MAP3K15: variants seen among roughly 807,000 people sequenced by gnomAD.
The protein encoded by MAP3K15 is mitogen-activated protein kinase kinase kinase 15, also known as MAPK/ERK kinase kinase 15.
MAP3K15 carries 124 observed loss-of-function variants against 99.5 expected under a neutral mutation model. That is an observed-to-expected ratio of 1.25 (90% CI 1.08 to 1.45). The LOEUF (loss-of-function observed/expected upper bound fraction) is 1.45, where lower values mean the gene tolerates loss of function less well. Among genes scored for constraint, MAP3K15 ranks in the 40% most tolerant of loss-of-function variants. The pLI, the probability that MAP3K15 is intolerant of heterozygous loss-of-function variation, is 0.00. For synonymous variants in MAP3K15, 494 were observed against 439.6 expected (o/e 1.12, Z -1.55); for missense variants, 1,242 against 1,079.7 (o/e 1.15, Z -2.11).
At chrX:19,499,757 C>A (rs979360670) in intron 1 of MAP3K15, among the ~76,000 whole-genome samples, 7 of 111,588 alleles carry the variant, frequency 6.3e-5, no homozygotes, top group Non-Finnish European at 1.1e-4. Flanking sequence ...ACAGAGATGA[C>A]AGCAGATCAG....
chrX:19,371,901 G>A (rs1285233547), intron 22 of MAP3K15, among the ~76,000 whole-genome samples: 7 of 111,400 alleles, frequency 6.3e-5, no homozygotes, highest in Admixed American at 9.6e-5. Context: ...GGGAAGCCTA[G>A]GCAGGCAGAT....
At chrX:19,489,019 A>G in intron 1 of MAP3K15, 52 bp from the exon 2 acceptor site, 1 of 1,118,536 alleles carries the variant, frequency 8.9e-7, no homozygotes, top group Non-Finnish European at 1.2e-6. Flanking sequence ...TGTCTACTTC[A>G]TCTACTCACT....
chrX:19,374,715 G>C, intron 19 of MAP3K15, 55 bp from the exon 20 acceptor site: 2 of 1,083,575 alleles, frequency 1.8e-6, no homozygotes, highest in Non-Finnish European at 2.5e-6. Context: ...GTGAATTCAG[G>C]TATCCATGTC....
chrX:19,482,213 T>C (rs1249042102), intron 3 of MAP3K15: 1 of 101,513 alleles, frequency 9.9e-6, no homozygotes, highest in East Asian at 3.0e-4. Flanking sequence ...ATTTACCATA[T>C]GACTTGGCAA....
At chrX:19,455,169 T>C (rs1271034084) in intron 6 of MAP3K15, among the ~76,000 whole-genome samples, 1 of 110,443 alleles carries the variant, frequency 9.1e-6, no homozygotes, top group East Asian at 2.8e-4. Flanking sequence ...AGAGCCACTG[T>C]CTAACAGGAG....
intron 3 of MAP3K15, among the ~76,000 whole-genome samples, chrX:19,484,728 G>GA (rs2064311753): frequency 8.9e-6 from 1 of 112,188 alleles, no homozygotes; most frequent in Non-Finnish European, 1.9e-5. Context: ...CTGTTTTAAG[G>GA]AATCAGCATT....
chrX:19,469,276 C>A (rs1403715908), intron 3 of MAP3K15, among the ~76,000 whole-genome samples: 1 of 111,547 alleles, frequency 9.0e-6, no homozygotes, highest in Non-Finnish European at 1.9e-5. Flanking sequence ...CTTTGACAAA[C>A]CTGACAAAAA....
chrX:19,506,559 C>G (rs1490310833), intron 1 of MAP3K15, among the ~76,000 whole-genome samples: 1 of 111,363 alleles, frequency 9.0e-6, no homozygotes, highest in African/African-American at 3.3e-5. Flanking sequence ...CTTGCTCTGC[C>G]GCCCAGGCTG....
Position 19,515,138 on chromosome X carries a change from C to T in MAP3K15, c.124G>A (p.Glu42Lys). 3 of 795,203 alleles carry T rather than the reference C, an allele frequency of 3.8e-6. No individual in the cohort carries two copies. The highest frequency in any genetic ancestry group is 4.6e-6 in the Non-Finnish European group (3 of 655,599). 65.5% of individuals were successfully genotyped at this position (795,203 alleles called of 1,213,427 possible). A position where few individuals can be genotyped will look rare whatever the true frequency, so the allele number is the denominator to read the frequency against. ...AGPAEPDGAA[E>K]GAAGGSGEGE... is the part of the protein sequence containing the mutation. Reference sequence around the variant, plus strand: ...TCGCCGCTGCCGCCTGCCGCGCCCTCCGCCGCCCCGTCGGGCTCCGCCGGC... The same window carrying T: ...TCGCCGCTGCCGCCTGCCGCGCCCTTCGCCGCCCCGTCGGGCTCCGCCGGC... Residue 42 changes from glutamate to lysine, a missense_variant, in exon 1 of 29, where the codon GAG (glutamate) becomes AAG (lysine). Physicochemically the swap from Glu to Lys is moderately conservative, Grantham distance 56 (BLOSUM62 1). Transcript: ENST00000338883.
At chrX:19,439,305 C>T (rs1168342785) in intron 6 of MAP3K15, among the ~76,000 whole-genome samples, 1 of 111,890 alleles carries the variant, frequency 8.9e-6, no homozygotes, top group African/African-American at 3.2e-5. Context: ...GCCAATTAAA[C>T]CTGTTTTCTT....
Position 19,515,188 on chromosome X carries a change from G to A in MAP3K15, c.74C>T (p.Pro25Leu), listed in dbSNP as rs1234945987. 2.3e-6 allele frequency: 2 copies of A among 852,464 alleles called. No individual in the cohort carries two copies. The highest frequency in any genetic ancestry group is 2.8e-6 in the Non-Finnish European group (2 of 702,053). The allele number at this position is 852,464 out of a possible 1,213,427, so 70.3% of individuals were successfully genotyped here. Residue 25 changes from proline to leucine, a missense_variant, in exon 1 of 29, where the codon CCG (proline) becomes CTG (leucine). Coordinates refer to ENST00000338883, the MANE Select transcript of MAP3K15 (RefSeq NM_001001671.4). ...AASESPQCPP[P>L]PGVEGAAGPA... ...CCCGGCCGCGCCCTCCACCCCCGGC[G>A]GCGGCGGGCACTGAGGGGACTCGCT...
intron 9 of MAP3K15, among the ~76,000 whole-genome samples, chrX:19,418,620 C>T (rs2063756584): frequency 2.7e-5 from 3 of 111,407 alleles, no homozygotes; most frequent in Non-Finnish European, 5.7e-5. Flanking sequence ...CTCTGCAGGA[C>T]AGTATCTAGG....
intron 1 of MAP3K15, among the ~76,000 whole-genome samples, chrX:19,499,973 G>A (rs377114037): frequency 1.4e-4 from 16 of 112,895 alleles, no homozygotes; most frequent in East Asian, 5.5e-4. Flanking sequence ...TTGGCCGGGT[G>A]CAGTGGCCCA....
At chrX:19,476,534 A>G (rs1189558770) in intron 3 of MAP3K15, among the ~76,000 whole-genome samples, 1 of 112,338 alleles carries the variant, frequency 8.9e-6, no homozygotes, top group East Asian at 2.8e-4. Context: ...CTCAACAGAT[A>G]TAATTATTTG....
chrX:19,367,723 ATTTTTTTTTTTTTTTTTTTT>A (rs748998915), intron 25 of MAP3K15, among the ~76,000 whole-genome samples: 8 of 24,137 alleles, frequency 3.3e-4, no homozygotes, highest in South Asian at 3.9e-3. Context: ...ATAACTATGG[ATTTTTTTTTTTTTTTTTTTT>A]TTTTTTTTTT....
intron 1 of MAP3K15, among the ~76,000 whole-genome samples, chrX:19,510,346 C>G (rs1012846748): frequency 8.9e-6 from 1 of 112,190 alleles, no homozygotes; most frequent in Middle Eastern, 4.6e-3. Flanking sequence ...AGCTTATCCA[C>G]CATGATCAAG....
At chrX:19,385,626 G>A (rs189823031) in intron 18 of MAP3K15, among the ~76,000 whole-genome samples, 4,187 of 111,088 alleles carry the variant, frequency 0.038, 198 homozygotes, top group African/African-American at 0.13. Flanking sequence ...TGACTCAAAC[G>A]ACTCTGGAAG....
intron 6 of MAP3K15, among the ~76,000 whole-genome samples, chrX:19,445,049 T>C (rs931476746): frequency 1.8e-5 from 2 of 111,251 alleles, no homozygotes; most frequent in East Asian, 2.8e-4. Context: ...GAGAATGTTC[T>C]ATAAAGCCTC....
chrX:19,441,449 A>C (rs1243580135), intron 6 of MAP3K15, among the ~76,000 whole-genome samples: 3 of 110,561 alleles, frequency 2.7e-5, no homozygotes, highest in African/African-American at 9.9e-5. Context: ...TGCTAAAAAA[A>C]CCCACCGACT....
Sources: gnomAD v4.1 joint callset for allele counts (sites outside exome capture counted in the v4.1 genomes callset) on GRCh38, gnomAD v4.1.1 for gene constraint, MANE v1.5 for transcripts, NCBI Gene and HGNC (gene_info 2026-07-23, HGNC 2026-07-21) for gene names.